Variants in ANKFN1 observed in about 807,000 individuals in gnomAD.
ANKFN1 encodes the protein ankyrin repeat and fibronectin type-III domain-containing protein 1.
ANKFN1 carries 74 observed loss-of-function variants against 108.7 expected under a neutral mutation model. That is an observed-to-expected ratio of 0.68 (90% CI 0.56 to 0.83). The LOEUF (loss-of-function observed/expected upper bound fraction) is 0.83, where lower values mean the gene tolerates loss of function less well. ANKFN1 is among the 40% of genes least tolerant of loss of function. ANKFN1 has a pLI of 0.00. For synonymous variants in ANKFN1, 547 were observed against 516.2 expected, an observed-to-expected ratio of 1.06 and a Z score of -0.81; for missense variants, 1,505 against 1,382.3, an observed-to-expected ratio of 1.09 and a Z score of -1.41.
chr17:56,462,774 C>T (rs1204301582), intron 14 of ANKFN1, among the ~76,000 whole-genome samples: 3 of 152,276 alleles, frequency 2.0e-5, no homozygotes, highest in South Asian at 2.1e-4. Flanking sequence ...GGTCAAAAGC[C>T]TCCAAAGTCA....
intron 1 of ANKFN1, among the ~76,000 whole-genome samples, chr17:56,211,468 A>AT (rs959536051): frequency 6.8e-4 from 103 of 151,758 alleles, no homozygotes; most frequent in African/African-American, 2.1e-3. Flanking sequence ...CTATATGCCT[A>AT]TTTTTTTTGT....
intron 3 of ANKFN1, among the ~76,000 whole-genome samples, chr17:56,267,484 A>T (rs1004619999): frequency 3.9e-5 from 6 of 152,124 alleles, no homozygotes; most frequent in Non-Finnish European, 8.8e-5. Flanking sequence ...GAACTCATTG[A>T]CAGGGCCTCT....
At chr17:56,348,907 A>G (rs2046174571) in intron 4 of ANKFN1, among the ~76,000 whole-genome samples, 1 of 152,216 alleles carries the variant, frequency 6.6e-6, no homozygotes, top group South Asian at 2.1e-4. Flanking sequence ...AAACCATTCT[A>G]TTATAAAGAT....
chr17:56,380,714 G>A (rs1598489869), intron 8 of ANKFN1, among the ~76,000 whole-genome samples: 2 of 152,240 alleles, frequency 1.3e-5, no homozygotes, highest in South Asian at 2.1e-4. Context: ...AAACTGCAAG[G>A]CAGCAGCGAG....
chr17:56,412,507 T>A (rs2048121554), intron 8 of ANKFN1, among the ~76,000 whole-genome samples: 1 of 152,204 alleles, frequency 6.6e-6, no homozygotes, highest in African/African-American at 2.4e-5. Context: ...GGGTACCAAC[T>A]AATCAGCTAC....
At chr17:56,169,342 G>C (rs1910440164) in intron 1 of ANKFN1, among the ~76,000 whole-genome samples, 1 of 152,022 alleles carries the variant, frequency 6.6e-6, no homozygotes, top group Non-Finnish European at 1.5e-5. Flanking sequence ...CACAATCATA[G>C]CTCACTATAA....
intron 1 of ANKFN1, among the ~76,000 whole-genome samples, chr17:56,167,150 A>G (rs927502606): frequency 6.6e-6 from 1 of 151,468 alleles, no homozygotes; most frequent in East Asian, 1.9e-4. Context: ...ATACACATAA[A>G]TATTATATGT....
rs775638491 is a variant in ANKFN1 at position 56,350,831 on chromosome 17, G to A, written c.254G>A (p.Ser85Asn). 6.2e-7 allele frequency: 1 copy of A among 1,613,758 alleles called. No individual in the cohort carries two copies. The highest frequency in any genetic ancestry group is 8.5e-7 in the Non-Finnish European group (1 of 1,179,880). The change falls in exon 5 of 21, where the codon AGT (serine) becomes AAT (asparagine). Residue 85 changes from serine (S) to asparagine (N), a missense_variant. Coordinates refer to ENST00000682825, the MANE Select transcript of ANKFN1 (RefSeq NM_001370326.1). The stretch of plus-strand genomic sequence containing the variant: ...CATCTCTGTCAGTCAAAAAAACATA[G>A]TGCTCCCTCATCTCCCAACGCAGCC... Reference protein sequence around the residue: ...NLHLCQSKKHSAPSSPNAAKR... With the variant: ...NLHLCQSKKHNAPSSPNAAKR...
intron 8 of ANKFN1, among the ~76,000 whole-genome samples, chr17:56,419,995 C>T (rs2048353820): frequency 6.6e-6 from 1 of 152,106 alleles, no homozygotes; most frequent in South Asian, 2.1e-4. Flanking sequence ...CCAGCTTCAT[C>T]TCCTACCATT....
intron 4 of ANKFN1, among the ~76,000 whole-genome samples, chr17:56,133,428 T>G (rs1404062995): frequency 6.6e-6 from 1 of 152,192 alleles, no homozygotes; most frequent in Non-Finnish European, 1.5e-5. Flanking sequence ...TCTCCTACTG[T>G]GTTTTCCTTT....
At chr17:56,316,777 C>A (rs1178510374) in intron 3 of ANKFN1, among the ~76,000 whole-genome samples, 1 of 152,138 alleles carries the variant, frequency 6.6e-6, no homozygotes, top group Non-Finnish European at 1.5e-5. Context: ...CAAATCACCA[C>A]CCACTGAGTG....
chr17:56,408,867 T>C (rs2048000475), intron 8 of ANKFN1, among the ~76,000 whole-genome samples: 2 of 152,032 alleles, frequency 1.3e-5, no homozygotes, highest in Non-Finnish European at 2.9e-5. Context: ...AACAATAGAG[T>C]TAGAAGGCAG....
intron 3 of ANKFN1, among the ~76,000 whole-genome samples, chr17:56,236,458 G>C (rs1168390724): frequency 6.6e-6 from 1 of 152,156 alleles, no homozygotes; most frequent in Non-Finnish European, 1.5e-5. Context: ...TGGCAATTGT[G>C]AATGGGATTG....
chr17:56,302,143 C>T (rs532871159), intron 3 of ANKFN1, among the ~76,000 whole-genome samples: 1 of 152,100 alleles, frequency 6.6e-6, no homozygotes, highest in Admixed American at 6.5e-5. Flanking sequence ...CTGGGGAGAC[C>T]AAGTAACTTG....
chr17:56,376,548 C>T (rs2046954151), intron 8 of ANKFN1, among the ~76,000 whole-genome samples: 1 of 152,088 alleles, frequency 6.6e-6, no homozygotes, highest in Admixed American at 6.6e-5. Context: ...CTCAGGATTT[C>T]GATGAAGAGT....
chr17:56,462,087 A>C (rs1392227940), intron 14 of ANKFN1: 2 of 152,088 alleles, frequency 1.3e-5, no homozygotes, highest in Admixed American at 1.3e-4. Flanking sequence ...AGTTGCTTTC[A>C]TCACTTTTTT....
intron 3 of ANKFN1, among the ~76,000 whole-genome samples, chr17:56,284,163 G>A (rs2044157778): frequency 6.6e-6 from 1 of 152,196 alleles, no homozygotes; most frequent in African/African-American, 2.4e-5. Flanking sequence ...TCATGTATGA[G>A]AGAAGAGATT....
intron 3 of ANKFN1, among the ~76,000 whole-genome samples, chr17:56,294,480 G>T (rs750421558): frequency 1.3e-5 from 2 of 152,208 alleles, no homozygotes; most frequent in African/African-American, 4.8e-5. Flanking sequence ...CTAGTTCTCT[G>T]CTTCTCTCTC....
intron 4 of ANKFN1, among the ~76,000 whole-genome samples, chr17:56,123,770 T>C (rs1906755675): frequency 6.6e-6 from 1 of 151,828 alleles, no homozygotes; most frequent in East Asian, 1.9e-4. Flanking sequence ...GTACATTATG[T>C]GTGTGAGCCT....
Sources: gnomAD v4.1 joint callset for allele counts (sites outside exome capture counted in the v4.1 genomes callset) on GRCh38, gnomAD v4.1.1 for gene constraint, MANE v1.5 for transcripts, NCBI Gene and HGNC (gene_info 2026-07-23, HGNC 2026-07-21) for gene names.